GPC5: variants seen among roughly 807,000 people sequenced by gnomAD.
GPC5 encodes glypican-5.
A neutral mutation model predicts 53.9 loss-of-function variants in GPC5; 47 were observed. The observed-to-expected ratio is 0.87, with a 90% CI of 0.69 to 1.11. The LOEUF (loss-of-function observed/expected upper bound fraction) is 1.11, where lower values mean the gene tolerates loss of function less well. GPC5 is among the 50% of genes most tolerant of loss of function. The pLI is 0.00. For missense variants in GPC5, 748 were observed against 713.1 expected (o/e 1.05, Z -0.56); for synonymous variants, 286 against 263.3 (o/e 1.09, Z -0.84).
chr13:92,200,259 G>A (rs1012667556), intron 7 of GPC5, among the ~76,000 whole-genome samples: 3 of 152,142 alleles, frequency 2.0e-5, no homozygotes, highest in African/African-American at 7.2e-5. Context: ...ATCTCAATGA[G>A]TGTTTTATTC....
intron 7 of GPC5, among the ~76,000 whole-genome samples, chr13:92,629,592 C>T (rs1031122269): frequency 6.6e-6 from 1 of 152,266 alleles, no homozygotes; most frequent in Non-Finnish European, 1.5e-5. Context: ...AATATATAAT[C>T]ATGAGTTTCA....
At chr13:91,881,227 G>A (rs996471191) in intron 5 of GPC5, among the ~76,000 whole-genome samples, 4 of 151,726 alleles carry the variant, frequency 2.6e-5, no homozygotes, top group African/African-American at 9.7e-5. Context: ...AATCATGATG[G>A]CCTGTAACAG....
chr13:91,745,251 GT>G (rs1200417617), intron 4 of GPC5, among the ~76,000 whole-genome samples: 3 of 151,992 alleles, frequency 2.0e-5, no homozygotes, highest in Non-Finnish European at 4.4e-5. Flanking sequence ...CAGAAAGGGT[GT>G]TTTTTTATGG....
intron 2 of GPC5, among the ~76,000 whole-genome samples, chr13:91,643,211 AAG>A (rs1265085838): frequency 6.6e-6 from 1 of 152,150 alleles, no homozygotes; most frequent in Non-Finnish European, 1.5e-5. Context: ...GAAAAAGATA[AAG>A]CCTCATTTGG....
intron 7 of GPC5, among the ~76,000 whole-genome samples, chr13:92,842,164 A>T (rs1370854118): frequency 6.6e-6 from 1 of 152,136 alleles, no homozygotes; most frequent in Non-Finnish European, 1.5e-5. Context: ...AATATCCCTC[A>T]ATGTATGTGA....
intron 7 of GPC5, among the ~76,000 whole-genome samples, chr13:92,548,650 G>C (rs1437496305): frequency 6.6e-6 from 1 of 151,910 alleles, no homozygotes; most frequent in Non-Finnish European, 1.5e-5. Context: ...AAAAAGTGAA[G>C]ACATAAAAAG....
chr13:91,492,637 A>C (rs1363926536), intron 2 of GPC5, among the ~76,000 whole-genome samples: 2 of 152,186 alleles, frequency 1.3e-5, no homozygotes, highest in Non-Finnish European at 2.9e-5. Flanking sequence ...AGTTCAGCTC[A>C]CCAGTTCATA....
chr13:92,373,499 A>G (rs2139297113), intron 7 of GPC5, among the ~76,000 whole-genome samples: 1 of 152,284 alleles, frequency 6.6e-6, no homozygotes. Flanking sequence ...AAGTTCTCAC[A>G]TGAGAAGCCC....
intron 2 of GPC5, among the ~76,000 whole-genome samples, chr13:91,498,137 A>G (rs972748287): frequency 1.6e-4 from 22 of 137,776 alleles, no homozygotes; most frequent in Non-Finnish European, 3.1e-4. Flanking sequence ...CCTCTAACCC[A>G]CCCGCCGCCA....
At chr13:92,111,924 AT>A (rs2041560333) in intron 6 of GPC5, among the ~76,000 whole-genome samples, 1 of 152,204 alleles carries the variant, frequency 6.6e-6, no homozygotes, top group Non-Finnish European at 1.5e-5. Context: ...GTACCTTGAA[AT>A]TTATTTTTAA....
rs541931278 is a variant in GPC5 at position 92,799,894 on chromosome 13, G to A, written c.1562-66388G>A. Among the ~76,000 whole-genome samples the A allele has an allele frequency of 4.0e-5, 6 of 151,832 alleles. No individual in the cohort carries two copies. In the South Asian group the frequency reaches 1.2e-3, roughly 32 times the overall value. ...AAGAACACAAAAATACAGATGAATC[G>A]GCTCTGATTCAAATTTTTCATTTCA... is the stretch of plus-strand genomic sequence containing the variant. On this transcript the variant is annotated intron_variant, in intron 7 of 7. Coordinates refer to ENST00000377067, the MANE Select transcript of GPC5 (RefSeq NM_004466.6).
intron 7 of GPC5, among the ~76,000 whole-genome samples, chr13:92,703,223 A>C (rs1887819224): frequency 6.6e-6 from 1 of 151,902 alleles, no homozygotes; most frequent in Non-Finnish European, 1.5e-5. Context: ...CCTGACATGC[A>C]ATAGGGACTG....
At chr13:91,455,357 C>G (rs985043908) in intron 2 of GPC5, among the ~76,000 whole-genome samples, 3 of 152,050 alleles carry the variant, frequency 2.0e-5, no homozygotes, top group Non-Finnish European at 4.4e-5. Context: ...CACATTTTTC[C>G]TAACACTTAA....
intron 7 of GPC5, among the ~76,000 whole-genome samples, chr13:92,824,553 G>A (rs1346903345): frequency 6.6e-6 from 1 of 152,028 alleles, no homozygotes; most frequent in Non-Finnish European, 1.5e-5. Context: ...TATATGCATT[G>A]CTCAATCATT....
chr13:92,159,968 T>A (rs1229328346), intron 7 of GPC5, among the ~76,000 whole-genome samples: 1 of 151,844 alleles, frequency 6.6e-6, no homozygotes, highest in Non-Finnish European at 1.5e-5. Context: ...AATGGCCCCA[T>A]CTCGGTTCAC....
intron 7 of GPC5, among the ~76,000 whole-genome samples, chr13:92,622,221 C>T (rs1201796329): frequency 3.3e-5 from 5 of 152,160 alleles, no homozygotes; most frequent in Non-Finnish European, 5.9e-5. Context: ...TTAGCAGTGG[C>T]GCTGTTCCTG....
intron 7 of GPC5, among the ~76,000 whole-genome samples, chr13:92,788,149 G>C (rs143668165): frequency 1.3e-5 from 2 of 152,046 alleles, no homozygotes; most frequent in African/African-American, 4.8e-5. Flanking sequence ...GATTTAGGAA[G>C]AGAACACTGA....
At chr13:92,480,291 C>T (rs1290041464) in intron 7 of GPC5, among the ~76,000 whole-genome samples, 1 of 152,064 alleles carries the variant, frequency 6.6e-6, no homozygotes, top group Non-Finnish European at 1.5e-5. Context: ...TAAATGTGAA[C>T]ATTGCCTTGT....
chr13:91,989,037 CA>C (rs2040434036), intron 6 of GPC5, among the ~76,000 whole-genome samples: 1 of 149,620 alleles, frequency 6.7e-6, no homozygotes, highest in South Asian at 2.1e-4. Context: ...CAAAACACAA[CA>C]AAAAGCAAAA....
Sources: gnomAD v4.1 joint callset for allele counts (sites outside exome capture counted in the v4.1 genomes callset) on GRCh38, gnomAD v4.1.1 for gene constraint, MANE v1.5 for transcripts, NCBI Gene and HGNC (gene_info 2026-07-23, HGNC 2026-07-21) for gene names.